SHANK2: variants seen among roughly 807,000 people sequenced by gnomAD.
SHANK2 encodes SH3 and multiple ankyrin repeat domains protein 2.
In SHANK2, 43 loss-of-function variants were observed where a neutral mutation model predicts 133.7. The ratio of observed to expected loss-of-function variants is 0.32; its 90% CI spans 0.25 to 0.41. The LOEUF is 0.41. Ranked by LOEUF, SHANK2 falls within the 10% of genes least tolerant of loss-of-function variation. The probability of loss-of-function intolerance (pLI) is 1.00; values close to 1 mark genes in which losing one functional copy is unlikely to be tolerated. For missense variants in SHANK2, 1,994 were observed against 2,235.8 expected, an observed-to-expected ratio of 0.89 and a Z score of 2.18; for synonymous variants, 1,017 against 952.8, an observed-to-expected ratio of 1.07 and a Z score of -1.24.
chr11:71,170,460 T>C (rs1348763050), intron 2 of SHANK2, among the ~76,000 whole-genome samples: 1 of 152,240 alleles, frequency 6.6e-6, no homozygotes, highest in Non-Finnish European at 1.5e-5. Flanking sequence ...CCGTGTCTGG[T>C]GTATCACCAG....
intron 17 of SHANK2, among the ~76,000 whole-genome samples, chr11:70,590,212 A>G (rs191078144): frequency 1.1e-3 from 167 of 152,308 alleles, no homozygotes; most frequent in Non-Finnish European, 1.7e-3. Context: ...GATGGGACTT[A>G]AACGCTGCAA....
intron 10 of SHANK2, among the ~76,000 whole-genome samples, chr11:70,897,961 C>CACACACACATATATATATGTG (rs1678214513): frequency 6.8e-6 from 1 of 146,350 alleles, no homozygotes; most frequent in Non-Finnish European, 1.5e-5. Flanking sequence ...CACACACACA[C>CACACACACATATATATATGTG]TTTTTTTTTT....
intron 14 of SHANK2, among the ~76,000 whole-genome samples, chr11:70,752,237 C>A (rs1178694171): frequency 6.6e-6 from 1 of 152,042 alleles, no homozygotes; most frequent in Non-Finnish European, 1.5e-5. Context: ...GAAAACTAAC[C>A]AATGACATGC....
At chr11:70,593,156 C>T (rs543659241) in intron 17 of SHANK2, among the ~76,000 whole-genome samples, 14 of 152,316 alleles carry the variant, frequency 9.2e-5, no homozygotes, top group Middle Eastern at 3.4e-3. Context: ...TGTCCCAGCA[C>T]GCGTAGGACT....
intron 11 of SHANK2, among the ~76,000 whole-genome samples, chr11:70,873,702 T>A (rs1338461206): frequency 2.7e-4 from 40 of 150,204 alleles, no homozygotes; most frequent in Non-Finnish European, 1.2e-4. Flanking sequence ...ATTGAGTGCG[T>A]CCCCTGCTCA....
intron 11 of SHANK2, among the ~76,000 whole-genome samples, chr11:70,828,758 T>C (rs1413828539): frequency 1.3e-5 from 2 of 152,100 alleles, no homozygotes; most frequent in Admixed American, 6.5e-5. Context: ...AGGGAGCTCC[T>C]CCAAGGCTGG....
chr11:70,566,238 G>A lies in SHANK2; in HGVS notation c.2062-63307C>T, dbSNP rs140332839. ...AATCATGGGAGCTACAATTCAAGAT[G>A]AGATTTGGGTGGGGACAAAGCCAAG... is the stretch of plus-strand genomic sequence containing the variant. On this transcript the variant is annotated intron_variant, in intron 17 of 25. Coordinates refer to ENST00000601538, the MANE Select transcript of SHANK2 (RefSeq NM_012309.5). The A allele has an allele frequency of 1.3e-3, 201 of 152,292 alleles. 2 individuals carry two copies. The highest frequency in any genetic ancestry group is 4.6e-3 in the African/African-American group (190 of 41,558). 9.4% of individuals were successfully genotyped at this position (152,292 alleles called of 1,614,324 possible). A position where few individuals can be genotyped will look rare whatever the true frequency, so the allele number is the denominator to read the frequency against.
At chr11:70,698,348 G>A (rs1290297569) in intron 15 of SHANK2, 13 of 345,930 alleles carry the variant, frequency 3.8e-5, no homozygotes, top group South Asian at 1.1e-4. Context: ...ATACTCCCCC[G>A]GGGGATGCTG....
intron 17 of SHANK2, among the ~76,000 whole-genome samples, chr11:70,638,026 A>G (rs1399405456): frequency 2.0e-5 from 3 of 152,224 alleles, no homozygotes; most frequent in Non-Finnish European, 4.4e-5. Flanking sequence ...CTGCTCACCA[A>G]CCAGCAGGAA....
chr11:70,867,732 T>C (rs1291031216), intron 11 of SHANK2, among the ~76,000 whole-genome samples: 14 of 152,254 alleles, frequency 9.2e-5, no homozygotes, highest in Non-Finnish European at 1.8e-4. Flanking sequence ...AGAGTCATTA[T>C]TCTGTGACAA....
rs371110974 is a variant in SHANK2, at chr11:70,521,615, A to G, written c.2062-18684T>C. ...ATCCTTCCATTAAAAAGGAGAAATG[A>G]GCAGATACCTGTGTGTTTCTGTATG... is the stretch of plus-strand genomic sequence containing the variant. On this transcript the variant is annotated intron_variant, in intron 17 of 25. Coordinates refer to ENST00000601538, the MANE Select transcript of SHANK2 (RefSeq NM_012309.5). Among the ~76,000 whole-genome samples, 214 of 152,300 alleles carry G rather than the reference A, an allele frequency of 1.4e-3. 2 individuals carry two copies. The highest frequency in any genetic ancestry group is 5.0e-3 in the African/African-American group (206 of 41,560).
intron 14 of SHANK2, among the ~76,000 whole-genome samples, chr11:70,747,173 C>A (rs2134862521): frequency 6.6e-6 from 1 of 152,002 alleles, no homozygotes; most frequent in East Asian, 1.9e-4. Flanking sequence ...AAGTAGGAGA[C>A]TGAAGGGCTG....
chr11:70,933,642 G>A (rs1179321848), intron 10 of SHANK2, among the ~76,000 whole-genome samples: 2 of 152,214 alleles, frequency 1.3e-5, no homozygotes, highest in East Asian at 3.8e-4. Flanking sequence ...ACAACAGGCT[G>A]GGTGTGGTGG....
chr11:71,102,161 C>T (rs560219227), intron 6 of SHANK2, among the ~76,000 whole-genome samples: 6 of 152,252 alleles, frequency 3.9e-5, no homozygotes, highest in Admixed American at 1.3e-4. Flanking sequence ...TTGCCAGGTT[C>T]GCTTCCTGTT....
intron 17 of SHANK2, among the ~76,000 whole-genome samples, chr11:70,568,646 G>GCCCCCCCCCCCCCCCCC (rs66982078): frequency 2.5e-5 from 2 of 79,964 alleles, no homozygotes; most frequent in African/African-American, 3.9e-5. Context: ...GCGGATTCCT[G>GCCCCCCCCCCCCCCCCC]CCCCCCCCGC....
chr11:70,625,922 C>A (rs782038024), intron 17 of SHANK2, among the ~76,000 whole-genome samples: 2 of 151,594 alleles, frequency 1.3e-5, no homozygotes, highest in Non-Finnish European at 2.9e-5. Context: ...CCATGGCAAC[C>A]ACCAGGCCAG....
chr11:70,877,316 C>T (rs756808896), intron 11 of SHANK2, among the ~76,000 whole-genome samples: 3 of 152,258 alleles, frequency 2.0e-5, no homozygotes, highest in Non-Finnish European at 4.4e-5. Context: ...GATGGCCAGC[C>T]TGTGACCTCA....
intron 9 of SHANK2, among the ~76,000 whole-genome samples, chr11:71,064,802 G>T (rs957779525): frequency 1.3e-5 from 2 of 152,106 alleles, no homozygotes. Flanking sequence ...GGGGAAGGGC[G>T]TTATTTACAG....
chr11:70,828,657 C>T (rs1054863286), intron 11 of SHANK2, among the ~76,000 whole-genome samples: 14 of 152,370 alleles, frequency 9.2e-5, no homozygotes, highest in African/African-American at 3.4e-4. Flanking sequence ...GTGTCTAGTT[C>T]ATTGCCATGT....
Sources: allele counts gnomAD v4.1 joint callset (sites outside exome capture counted in the v4.1 genomes callset), GRCh38; gene constraint gnomAD v4.1.1; transcripts MANE v1.5; gene names NCBI Gene and HGNC (gene_info 2026-07-23, HGNC 2026-07-21).